CCSER1: variants seen among roughly 807,000 people sequenced by gnomAD.
CCSER1 encodes the protein serine-rich coiled-coil domain-containing protein 1.
A neutral mutation model predicts 82.0 loss-of-function variants in CCSER1; 41 were observed. The ratio of observed to expected loss-of-function variants is 0.50; its 90% confidence interval spans 0.39 to 0.65. The LOEUF is 0.65. CCSER1 is among the 30% of genes least tolerant of loss of function. The pLI is 0.00. For synonymous variants in CCSER1, 414 were observed against 383.9 expected, an observed-to-expected ratio of 1.08 and a Z score of -0.92; for missense variants, 1,119 against 1,064.2, an observed-to-expected ratio of 1.05 and a Z score of -0.72.
chr4:91,407,489 G>A (rs937250418), intron 10 of CCSER1, among the ~76,000 whole-genome samples: 1 of 152,138 alleles, frequency 6.6e-6, no homozygotes, highest in Non-Finnish European at 1.5e-5. Context: ...GACAAGAAGA[G>A]AATGAACGGC....
intron 8 of CCSER1, among the ~76,000 whole-genome samples, chr4:90,869,829 T>A (rs1482696381): frequency 2.0e-5 from 3 of 151,988 alleles, no homozygotes; most frequent in Non-Finnish European, 4.4e-5. Flanking sequence ...GGTCTTCTAA[T>A]CCATGGACAT....
At chr4:90,665,257 T>G (rs1228052633) in intron 6 of CCSER1, among the ~76,000 whole-genome samples, 1 of 152,142 alleles carries the variant, frequency 6.6e-6, no homozygotes, top group Non-Finnish European at 1.5e-5. Flanking sequence ...TTCTGCGCTT[T>G]GTGACATATG....
At chr4:91,047,287 C>T (rs1742594883) in intron 9 of CCSER1, among the ~76,000 whole-genome samples, 1 of 152,078 alleles carries the variant, frequency 6.6e-6, no homozygotes, top group Non-Finnish European at 1.5e-5. Context: ...ATGTATAACA[C>T]ATACATATAT....
At chr4:90,533,256 A>G (rs892515156) in intron 5 of CCSER1, among the ~76,000 whole-genome samples, 1 of 151,226 alleles carries the variant, frequency 6.6e-6, no homozygotes, top group Non-Finnish European at 1.5e-5. Flanking sequence ...CACGCCTGGC[A>G]ACTTTTTTTT....
intron 10 of CCSER1, among the ~76,000 whole-genome samples, chr4:91,394,880 G>A (rs1751873547): frequency 6.6e-6 from 1 of 151,216 alleles, no homozygotes. Context: ...AAACTCTGAT[G>A]AGTGACCTAC....
chr4:90,161,661 A>G (rs1316989340), intron 1 of CCSER1, among the ~76,000 whole-genome samples: 1 of 152,174 alleles, frequency 6.6e-6, no homozygotes, highest in Non-Finnish European at 1.5e-5. Context: ...TTTAAGCACA[A>G]GCAAATATTG....
intron 7 of CCSER1, chr4:90,727,173 A>G (rs970669564): frequency 3.5e-5 from 16 of 452,320 alleles, no homozygotes; most frequent in African/African-American, 2.0e-4. Context: ...AGGCAAATGT[A>G]TAACCTCTAG....
intron 8 of CCSER1, among the ~76,000 whole-genome samples, chr4:90,890,088 G>A (rs1248723032): frequency 6.6e-6 from 1 of 151,992 alleles, no homozygotes; most frequent in African/African-American, 2.4e-5. Context: ...AATTGCCTCC[G>A]TGTACTCTAG....
intron 7 of CCSER1, among the ~76,000 whole-genome samples, chr4:90,766,992 A>G (rs1019120163): frequency 3.3e-5 from 5 of 152,154 alleles, no homozygotes; most frequent in Admixed American, 6.6e-5. Flanking sequence ...TCTTATGTGA[A>G]TGTACTACTG....
chr4:91,403,022 C>T (rs1306371556), intron 10 of CCSER1, among the ~76,000 whole-genome samples: 2 of 152,148 alleles, frequency 1.3e-5, no homozygotes, highest in Non-Finnish European at 2.9e-5. Context: ...TCTTCCTATC[C>T]ATGAGCATGG....
At chr4:90,550,296 T>C (rs960127951) in intron 5 of CCSER1, among the ~76,000 whole-genome samples, 7 of 152,188 alleles carry the variant, frequency 4.6e-5, no homozygotes, top group African/African-American at 1.4e-4. Flanking sequence ...TTTATTGATA[T>C]ATTTACATTT....
chr4:90,878,436 A>G (rs1366626872), intron 8 of CCSER1, among the ~76,000 whole-genome samples: 1 of 152,204 alleles, frequency 6.6e-6, no homozygotes, highest in Non-Finnish European at 1.5e-5. Flanking sequence ...GTGCAAGCAC[A>G]TTCAGAAAAT....
chr4:90,946,890 T>G (rs760988788), intron 9 of CCSER1, among the ~76,000 whole-genome samples: 12 of 152,162 alleles, frequency 7.9e-5, no homozygotes, highest in Non-Finnish European at 1.3e-4. Flanking sequence ...AAGTGACTCA[T>G]AACATCAAAT....
In CCSER1 at chr4:91,603,710, A is replaced by C. The variant is rs919946291; in HGVS notation, c.*4653A>C. On this transcript the variant is annotated 3_prime_UTR_variant, in exon 11 of 11. Transcript: ENST00000509176. ...TCTTTCCAAACATTACCTCTTTAGT[A>C]AATTCGGGTTGCTATAACAAAATAC... The C allele has an allele frequency of 6.6e-6, 1 of 152,112 alleles. No individual in the cohort carries two copies. The highest frequency in any genetic ancestry group is 1.5e-5 in the Non-Finnish European group (1 of 68,000). 9.4% of individuals were successfully genotyped at this position (152,112 alleles called of 1,614,324 possible).
chr4:90,395,712 G>T lies in CCSER1; in HGVS notation c.1510-4324G>T, dbSNP rs568310337. On this transcript the variant is annotated intron_variant, in intron 3 of 10. Coordinates refer to ENST00000509176, the MANE Select transcript of CCSER1 (RefSeq NM_001145065.2). ...CCACCTTTTAATTTTGTGTAATATGGGTGTCCTCTCACAAAATGATTTTCT... is the reference window on the plus strand; with the variant it reads ...CCACCTTTTAATTTTGTGTAATATGTGTGTCCTCTCACAAAATGATTTTCT... 5.3e-5 allele frequency among the ~76,000 whole-genome samples: 8 copies of T among 150,942 alleles called. No individual in the cohort carries two copies. The East Asian group carries it at 5.9e-4, about 11-fold the overall frequency.
chr4:90,734,339 A>G (rs1450215296), intron 7 of CCSER1, among the ~76,000 whole-genome samples: 1 of 152,030 alleles, frequency 6.6e-6, no homozygotes, highest in Admixed American at 6.6e-5. Context: ...GTTAGCCAGG[A>G]TGGTCTCGAT....
intron 3 of CCSER1, among the ~76,000 whole-genome samples, chr4:90,354,987 C>T (rs1238928496): frequency 1.3e-5 from 2 of 151,952 alleles, no homozygotes. Context: ...CCATATTACT[C>T]TCCTTGTTTC....
chr4:90,634,552 A>G (rs1025416058), intron 6 of CCSER1, among the ~76,000 whole-genome samples: 9 of 151,676 alleles, frequency 5.9e-5, no homozygotes, highest in Non-Finnish European at 1.3e-4. Flanking sequence ...TTTTTACTGC[A>G]TTTCAGTAAT....
intron 10 of CCSER1, among the ~76,000 whole-genome samples, chr4:91,303,053 T>C (rs1371440242): frequency 5.9e-5 from 9 of 152,030 alleles, no homozygotes; most frequent in African/African-American, 2.2e-4. Flanking sequence ...TAAATAGCCA[T>C]AAATTTATCA....
Sources: allele counts gnomAD v4.1 joint callset (sites outside exome capture counted in the v4.1 genomes callset), GRCh38; gene constraint gnomAD v4.1.1; transcripts MANE v1.5; gene names NCBI Gene and HGNC (gene_info 2026-07-23, HGNC 2026-07-21).